The following MRC2 variants were observed in gnomAD, a reference collection of about 807,000 sequenced individuals.
The protein encoded by MRC2 is C-type mannose receptor 2.
In MRC2, 84 loss-of-function variants were observed where a neutral mutation model predicts 206.2. The ratio of observed to expected loss-of-function variants is 0.41; its 90% CI spans 0.34 to 0.49. The LOEUF is 0.49. MRC2 is among the 20% of genes least tolerant of loss of function. The pLI is 0.31. For missense variants in MRC2, 1,676 were observed against 2,001.5 expected, an observed-to-expected ratio of 0.84 and a Z score of 3.10; for synonymous variants, 798 against 800.0, an observed-to-expected ratio of 1.00 and a Z score of 0.04.
rs898203234 is a variant in MRC2, at chr17:62,667,273, C to A, written c.974-117C>A. On this transcript the variant is annotated intron_variant, in intron 5 of 29. Coordinates refer to ENST00000303375, the MANE Select transcript of MRC2 (RefSeq NM_006039.5). This position sits in a 1 kb window ranked among gnomAD's most constrained non-coding sequence, Gnocchi z 4.1. The stretch of plus-strand genomic sequence containing the variant: ...AGCTGGAGCTGAGCACCAGGCTTCC[C>A]GAACTGGCTCAGGCTTCCGAGGGAG... 16 of 1,363,376 alleles carry A rather than the reference C, an allele frequency of 1.2e-5. No individual in the cohort carries two copies. The highest frequency in any genetic ancestry group is 1.4e-5 in the Non-Finnish European group (14 of 1,022,358). The allele number at this position is 1,363,376 out of a possible 1,614,324, so 84.5% of individuals were successfully genotyped here. A position where few individuals can be genotyped will look rare whatever the true frequency, so the allele number is the denominator to read the frequency against.
chr17:62,631,574 C>T (rs1171119368), intron 1 of MRC2, among the ~76,000 whole-genome samples: 1 of 152,126 alleles, frequency 6.6e-6, no homozygotes, highest in Non-Finnish European at 1.5e-5. Context: ...CCCCATAACT[C>T]CAAGCCCTCT....
Position 62,680,495 on chromosome 17 carries a change from G to C in MRC2, c.2473+42G>C. 1 of 1,612,780 alleles carries C rather than the reference G, an allele frequency of 6.2e-7. No homozygotes were observed. The highest frequency in any genetic ancestry group is 8.5e-7 in the Non-Finnish European group (1 of 1,179,270). The stretch of plus-strand genomic sequence containing the variant: ...CCATCCCGCTACCCATCGCGTGGGA[G>C]AGGGCGTCAACTCTGGGGTAAGTCC... On this transcript the variant is annotated intron_variant, in intron 16 of 29. Transcript: ENST00000303375. This position sits in a 1 kb window ranked among gnomAD's most constrained non-coding sequence, Gnocchi z 4.8.
At chr17:62,663,983 G>A (rs1466866302) in intron 1 of MRC2, among the ~76,000 whole-genome samples, 2 of 139,524 alleles carry the variant, frequency 1.4e-5, no homozygotes, top group Admixed American at 7.2e-5. Context: ...TTTTTGAGAC[G>A]GAGTCTCGCT....
chr17:62,637,606 G>A (rs1002576138), intron 1 of MRC2, among the ~76,000 whole-genome samples: 4 of 151,746 alleles, frequency 2.6e-5, no homozygotes, highest in Non-Finnish European at 4.4e-5. Context: ...GTCAAGCTGA[G>A]CTCCTTACCG....
Position 62,692,440 on chromosome 17 carries a change from C to A in MRC2, c.4429C>A (p.Gln1477Lys). 1 of 1,563,088 alleles carries A rather than the reference C, an allele frequency of 6.4e-7. No homozygotes were observed. Among genetic ancestry groups the A allele is most frequent in the South Asian group, 1.2e-5 (1 of 84,982 alleles). ...ILVSDMEMNE[Q>K]QE ...GGTGTCAGACATGGAAATGAATGAG[C>A]AACAAGAATAGAGCCAGGCGCGTGG... Residue 1477 changes from glutamine to lysine, a missense_variant, in exon 30 of 30, where the codon CAA (glutamine) becomes AAA (lysine). By Grantham distance (53) the Gln-to-Lys change is moderately conservative. Coordinates refer to ENST00000303375, the MANE Select transcript of MRC2 (RefSeq NM_006039.5). The surrounding 1 kb of genome is among the most constrained non-coding windows in gnomAD (Gnocchi z 4.2).
chr17:62,646,327 T>C (rs533708327), intron 1 of MRC2, among the ~76,000 whole-genome samples: 45 of 151,952 alleles, frequency 3.0e-4, no homozygotes, highest in Non-Finnish European at 5.3e-4. Context: ...CCCGGCCCCC[T>C]CTCTCTCTTT....
At chr17:62,641,893 C>T (rs925616256) in intron 1 of MRC2, among the ~76,000 whole-genome samples, 2 of 93,214 alleles carry the variant, frequency 2.1e-5, no homozygotes, top group African/African-American at 9.0e-5. Context: ...TTATCTCACT[C>T]TCTGTGTGTG....
At chr17:62,689,824 C>A in intron 24 of MRC2, 64 bp downstream of exon 24, 1 of 1,537,406 alleles carries the variant, frequency 6.5e-7, no homozygotes, top group Non-Finnish European at 8.8e-7. Flanking sequence ...CTGCCCCTTC[C>A]TGCCCCCGCC....
chr17:62,682,223 C>G lies in MRC2; in HGVS notation c.2804-12C>G. ...CCCTGGGGGTGACTGCCCTCCCCTC[C>G]CCTTTCCGCAGAGGACTGGGGGGAC... On this transcript the variant is annotated splice_polypyrimidine_tract_variant and intron_variant, in intron 19 of 29. Transcript: ENST00000303375. The G allele has an allele frequency of 2.6e-6, 4 of 1,566,006 alleles. No homozygotes were observed. Among genetic ancestry groups the G allele is most frequent in the Non-Finnish European group, 3.5e-6 (4 of 1,154,646 alleles).
At chr17:62,642,218 C>T (rs907648510) in intron 1 of MRC2, among the ~76,000 whole-genome samples, 13 of 152,096 alleles carry the variant, frequency 8.5e-5, no homozygotes, top group South Asian at 6.2e-4. Flanking sequence ...TGTCTTTTAT[C>T]GGCATTGCAT....
rs182030247 is a variant in MRC2 at position 62,674,704 on chromosome 17, G to T, written c.1569+534G>T. ...TAGAGGATGTTTAGGGAGGTTGAGG[G>T]GGGGGGTGTCAAGGAATGAAAGCTG... On this transcript the variant is annotated intron_variant, in intron 9 of 29. Coordinates refer to ENST00000303375, the MANE Select transcript of MRC2 (RefSeq NM_006039.5). 7.8e-3 allele frequency among the ~76,000 whole-genome samples: 1,179 copies of T among 152,110 alleles called. 19 individuals are homozygous for T. The highest frequency in any genetic ancestry group is 0.041 in the Middle Eastern group (12 of 294).
In MRC2 at chr17:62,674,064, A is replaced by G. The variant is rs2088859497; in HGVS notation, c.1463A>G (p.Glu488Gly). Residue 488 changes from glutamate to glycine, a missense_variant and splice_region_variant, in exon 9 of 30, where the codon GAA becomes GGA. By Grantham distance (98) the Glu-to-Gly change is moderately conservative (BLOSUM62 -2). Transcript: ENST00000303375. Reference sequence around the variant, plus strand: ...TTCTTCCTCACCCTGTGTCCGTAGGAAGGCCGCTGGAACGACAGTCCCTGT... The same window carrying G: ...TTCTTCCTCACCCTGTGTCCGTAGGGAGGCCGCTGGAACGACAGTCCCTGT... ...LEDCVTIWGP[E>G]GRWNDSPCNQ... The G allele has an allele frequency of 1.3e-6, 2 of 1,550,230 alleles. No individual in the cohort carries two copies. Among genetic ancestry groups the G allele is most frequent in the Non-Finnish European group, 1.7e-6 (2 of 1,146,178 alleles).
chr17:62,657,467 C>T (rs1413500694), intron 1 of MRC2, among the ~76,000 whole-genome samples: 5 of 152,194 alleles, frequency 3.3e-5, no homozygotes, highest in Admixed American at 1.3e-4. Context: ...CAGCTTGATG[C>T]GTAGCACTGT....
Position 62,681,068 on chromosome 17 carries a change from C to T in MRC2, c.2641C>T (p.Arg881Trp), listed in dbSNP as rs771141398. 16 of 1,613,402 alleles carry T rather than the reference C, an allele frequency of 9.9e-6. No individual in the cohort carries two copies. The highest frequency in any genetic ancestry group is 2.2e-5 in the East Asian group (1 of 44,892). Residue 881 changes from arginine to tryptophan, a missense_variant, in exon 18 of 30, where the codon CGG (arginine) becomes TGG (tryptophan). Physicochemically the swap from Arg to Trp is moderately radical, Grantham distance 101 (BLOSUM62 -3). Around this residue, in one of 3 missense-constraint regions of MRC2, gnomAD observed 1,354 missense variants for 1,636.6 expected, o/e 0.83. Coordinates refer to ENST00000303375, the MANE Select transcript of MRC2 (RefSeq NM_006039.5). ...GCCCGCCTGGCTTCTCCAGTTCTCC[C>T]GGGCCCAGGAGCAGCACTGGTGGAT... ...FLSHNLQKFS[R>W]AQEQHWWIGL...
intron 23 of MRC2, 117 bp from the exon 24 acceptor site, chr17:62,689,405 C>T (rs1193941984): frequency 1.3e-5 from 9 of 675,360 alleles, no homozygotes; most frequent in South Asian, 7.8e-5. Context: ...CTGGGCCAAG[C>T]GCCGAGTCTG....
rs1382532257 is a variant in MRC2, at chr17:62,682,298, C to CAA, written c.2867_2868insAA (p.Lys957ThrfsTer40). 2 of 1,606,010 alleles carry CAA rather than the reference C, an allele frequency of 1.2e-6. No homozygotes were observed. The highest frequency in any genetic ancestry group is 1.7e-5 in the Admixed American group (1 of 59,084). ...TACATCTGCAAGCGCAGCAACGTCA[C>CAA]CAAAGAAACGCAGCCCCCAGACCTG... is the stretch of plus-strand genomic sequence containing the variant. On this transcript the variant is annotated frameshift_variant, in exon 20 of 30. Transcript: ENST00000303375. LOFTEE classifies it high-confidence loss of function.
intron 1 of MRC2, among the ~76,000 whole-genome samples, chr17:62,650,086 T>A (rs1374981362): frequency 6.6e-6 from 1 of 151,840 alleles, no homozygotes; most frequent in Non-Finnish European, 1.5e-5. Context: ...GTAGAGACGG[T>A]GTCTCACCAT....
chr17:62,676,285 G>A (rs193183287), intron 10 of MRC2, 98 bp from the exon 11 acceptor site: 25 of 1,472,990 alleles, frequency 1.7e-5, no homozygotes, highest in African/African-American at 1.7e-4. Context: ...GTTATTGGTC[G>A]GGTGCAGCAC....
chr17:62,688,155 G>A (rs1175057422), intron 20 of MRC2, 134 bp from the exon 21 acceptor site: 1 of 700,860 alleles, frequency 1.4e-6, no homozygotes, highest in African/African-American at 1.8e-5. Context: ...CAGCTGTCCT[G>A]GTTCTCAGAT....
Sources: gnomAD v4.1 joint callset for allele counts (sites outside exome capture counted in the v4.1 genomes callset) on GRCh38, gnomAD v4.1.1 for gene constraint, gnomAD v4.1.1 regional missense constraint, Gnocchi (gnomAD v3.1) non-coding constraint, MANE v1.5 for transcripts, NCBI Gene and HGNC (gene_info 2026-07-23, HGNC 2026-07-21) for gene names.